PRCD: variants seen among roughly 807,000 people sequenced by gnomAD.
PRCD encodes photoreceptor disk component PRCD.
In PRCD, 12 loss-of-function variants were observed where a neutral mutation model predicts 10.1. The observed-to-expected ratio is 1.18, with a 90% CI of 0.76 to 1.92. The LOEUF is 1.92. PRCD is among the 40% of genes most tolerant of loss of function. PRCD has a pLI of 0.00. For synonymous variants in PRCD, 31 were observed against 26.2 expected (o/e 1.18, Z -0.56); for missense variants, 61 against 72.2 (o/e 0.84, Z 0.56).
chr17:76,551,705 A>G (rs926794783), intron 1 of PRCD: 6 of 152,228 alleles, frequency 3.9e-5, no homozygotes, highest in Admixed American at 2.0e-4. Context: ...TTTTCATGAC[A>G]GGTTTTCTAG....
rs200358726 is a variant in PRCD at position 76,531,454 on chromosome 17, G to A, written n.45+3621G>A. ...TGGGGGCTCTGCAGCAGATGGGGGC[G>A]CATACCTTGAAGTACACCGGTTCCA... On this transcript the variant is annotated intron_variant and non_coding_transcript_variant, in intron 1 of 4. Transcript: ENST00000397633. This position sits in a 1 kb window ranked among gnomAD's most constrained non-coding sequence, Gnocchi z 7.4. 1.4e-4 allele frequency: 228 copies of A among 1,600,658 alleles called. 3 individuals carry two copies. The East Asian group carries it at 5.0e-3, about 35-fold the overall frequency.
chr17:76,536,067 T>C (rs193150905), upstream of PRCD, among the ~76,000 whole-genome samples: 956 of 152,240 alleles, frequency 6.3e-3, 10 homozygotes, highest in African/African-American at 0.021. Flanking sequence ...CCTGTGGGGA[T>C]TGGTGGTTCC....
At chr17:76,545,452 A>C (rs2075045376), downstream of PRCD, 1 of 446,684 alleles carries the variant, frequency 2.2e-6, no homozygotes, top group Non-Finnish European at 4.5e-6. Flanking sequence ...AGGAGTGCTC[A>C]GGGGCTTGGG....
downstream of PRCD, among the ~76,000 whole-genome samples, chr17:76,547,892 CACAG>C (rs988989017): frequency 2.0e-5 from 3 of 147,764 alleles, no homozygotes; most frequent in East Asian, 3.9e-4. Flanking sequence ...TACACATACA[CACAG>C]ACACACATAA....
Position 76,540,381 on chromosome 17 carries a change from T to C in PRCD, c.75-124T>C. 2.3e-6 allele frequency: 3 copies of C among 1,317,426 alleles called. No homozygotes were observed. The highest frequency in any genetic ancestry group is 1.2e-5 in the South Asian group (1 of 83,728). 81.6% of individuals were successfully genotyped at this position (1,317,426 alleles called of 1,614,324 possible). A position where few individuals can be genotyped will look rare whatever the true frequency, so the allele number is the denominator to read the frequency against. ...AGCACAGTCTCAGAGCAGGGGGACT[T>C]AGAGCTTCAAAGGCTCTAGTTGCAG... On this transcript the variant is annotated intron_variant, in intron 1 of 4. Coordinates refer to ENST00000592014, the MANE Select transcript of PRCD (RefSeq NM_001077620.3). The surrounding 1 kb of genome is among the most constrained non-coding windows in gnomAD (Gnocchi z 5.0).
At position 76,531,182 on chromosome 17, in the gene PRCD, G is replaced by A. The variant is rs377581252; in HGVS notation, n.45+3349G>A. 5.0e-6 allele frequency: 8 copies of A among 1,590,454 alleles called. No individual in the cohort carries two copies. The highest frequency in any genetic ancestry group is 1.3e-5 in the African/African-American group (1 of 74,378). On this transcript the variant is annotated intron_variant and non_coding_transcript_variant, in intron 1 of 4. Coordinates refer to the PRCD transcript ENST00000397633. This position sits in a 1 kb window ranked among gnomAD's most constrained non-coding sequence, Gnocchi z 7.4. ...AGGAAGGGGGAGTGAACGCCCGGGC[G>A]CCCTGCGTCCTGCAACCCCCAGGCC...
rs1285262239 is a variant in PRCD, at chr17:76,544,435, C to T, written c.*785C>T. The stretch of plus-strand genomic sequence containing the variant: ...CGCTCAGGGTGGGGGAGGAGGTGCA[C>T]CCCGCTGGGGAGGGCCTGCTGGTAC... On this transcript the variant is annotated 3_prime_UTR_variant, in exon 5 of 5. Transcript: ENST00000592014. 6.6e-6 allele frequency: 3 copies of T among 454,902 alleles called. No individual in the cohort carries two copies. Among genetic ancestry groups the T allele is most frequent in the Non-Finnish European group, 1.3e-5 (3 of 226,964 alleles). 28.2% of individuals were successfully genotyped at this position (454,902 alleles called of 1,614,324 possible).
At chr17:76,545,747 G>A (rs2075047525), downstream of PRCD, 1 of 235,054 alleles carries the variant, frequency 4.3e-6, no homozygotes, top group Admixed American at 5.1e-5. Flanking sequence ...TGTGGAAGAT[G>A]CTTAGCATGT....
At position 76,530,302 on chromosome 17, in the gene PRCD, G is replaced by C. The variant is rs901004790; in HGVS notation, n.45+2469G>C. Among the ~76,000 whole-genome samples, 2 of 152,050 alleles carry C rather than the reference G, an allele frequency of 1.3e-5. No individual in the cohort carries two copies. The highest frequency in any genetic ancestry group is 4.1e-4 in the South Asian group (2 of 4,826). On this transcript the variant is annotated intron_variant and non_coding_transcript_variant, in intron 1 of 4. Transcript: ENST00000397633. This position sits in a 1 kb window ranked among gnomAD's most constrained non-coding sequence, Gnocchi z 6.1. ...GTGTTCCCAACCGCCACATCTGGGG[G>C]CTAGCCCTCCCCTCACGCTCCGAGT...
At chr17:76,547,727 TCACA>T (rs574997747), downstream of PRCD, among the ~76,000 whole-genome samples, 1 of 121,532 alleles carries the variant, frequency 8.2e-6, no homozygotes, top group African/African-American at 3.2e-5. Flanking sequence ...ACACATACAT[TCACA>T]CACACACATA....
chr17:76,545,388 T>A (rs1177573519), downstream of PRCD: 1 of 456,596 alleles, frequency 2.2e-6, no homozygotes, highest in East Asian at 6.9e-5. Context: ...CCACTGAGGC[T>A]GAGTCCTTTT....
At position 76,531,942 on chromosome 17, in the gene PRCD, T is replaced by G; in HGVS notation, n.45+4109T>G. 2.4e-6 allele frequency: 1 copy of G among 411,824 alleles called. No homozygotes were observed. The highest frequency in any genetic ancestry group is 2.0e-5 in the African/African-American group (1 of 50,936). 25.5% of individuals were successfully genotyped at this position (411,824 alleles called of 1,614,324 possible). Reference sequence around the variant, plus strand: ...GGCTGGCGGCTTCATCTCCTAGGCCTCTGTCTTCCTCGCTTCTTGCTTCCT... The same window carrying G: ...GGCTGGCGGCTTCATCTCCTAGGCCGCTGTCTTCCTCGCTTCTTGCTTCCT... On this transcript the variant is annotated intron_variant and non_coding_transcript_variant, in intron 1 of 4. Coordinates refer to the PRCD transcript ENST00000397633. The surrounding 1 kb of genome is among the most constrained non-coding windows in gnomAD (Gnocchi z 7.4).
downstream of PRCD, chr17:76,545,431 G>A (rs2075045173): frequency 8.8e-6 from 4 of 455,086 alleles, no homozygotes; most frequent in Admixed American, 9.4e-5. Context: ...CCGCTGCTTG[G>A]GAATGGGAGC....
chr17:76,536,337 G>A (rs574534310), upstream of PRCD, among the ~76,000 whole-genome samples: 1 of 152,314 alleles, frequency 6.6e-6, no homozygotes, highest in Admixed American at 6.5e-5. Flanking sequence ...AGGCCTGGTA[G>A]TCAAGGATGC....
At position 76,531,924 on chromosome 17, in the gene PRCD, G is replaced by A. The variant is rs919489361; in HGVS notation, n.45+4091G>A. 8.4e-6 allele frequency: 4 copies of A among 474,418 alleles called. No individual in the cohort carries two copies. Among genetic ancestry groups the A allele is most frequent in the East Asian group, 3.4e-5 (1 of 29,768 alleles). The allele number at this position is 474,418 out of a possible 1,614,324, so 29.4% of individuals were successfully genotyped here. Reference sequence around the variant, plus strand: ...ATCTGCCAGGCTTGCTCAGGCTGGCGGCTTCATCTCCTAGGCCTCTGTCTT... The same window carrying A: ...ATCTGCCAGGCTTGCTCAGGCTGGCAGCTTCATCTCCTAGGCCTCTGTCTT... On this transcript the variant is annotated intron_variant and non_coding_transcript_variant, in intron 1 of 4. Coordinates refer to the PRCD transcript ENST00000397633. This position sits in a 1 kb window ranked among gnomAD's most constrained non-coding sequence, Gnocchi z 7.4.
At chr17:76,529,596 C>T in intron 1 of PRCD, 2 of 985,400 alleles carry the variant, frequency 2.0e-6, no homozygotes, top group Non-Finnish European at 2.4e-6. Flanking sequence ...GTCTTGTGTC[C>T]TGGCTGTAAA....
Position 76,543,813 on chromosome 17 carries a change from T to C in PRCD, c.*163T>C, listed in dbSNP as rs1302733532. 1 of 470,934 alleles carries C rather than the reference T, an allele frequency of 2.1e-6. No homozygotes were observed. Among genetic ancestry groups the C allele is most frequent in the Non-Finnish European group, 4.4e-6 (1 of 227,062 alleles). 29.2% of individuals were successfully genotyped at this position (470,934 alleles called of 1,614,324 possible). ...TTTGCCTTTCCCCAGTTCCCAGAGC[T>C]CATCCTGTCACTGGCTGCTCTGCTG... On this transcript the variant is annotated 3_prime_UTR_variant, in exon 5 of 5. Coordinates refer to ENST00000592014, the MANE Select transcript of PRCD (RefSeq NM_001077620.3).
chr17:76,542,651 G>A lies in PRCD; in HGVS notation c.*59+18G>A, dbSNP rs1296826073. The A allele has an allele frequency of 2.6e-6, 4 of 1,534,072 alleles. No individual in the cohort carries two copies. The highest frequency in any genetic ancestry group is 2.7e-5 in the African/African-American group (2 of 73,300). On this transcript the variant is annotated intron_variant, in intron 3 of 4. Transcript: ENST00000592014. ...TCAGGCAGGTAGGGCAGGGCTGGGA[G>A]CCGGGGAGGGCAGAGGGCAAGGCTT...
chr17:76,547,413 T>C, downstream of PRCD: 1 of 152,440 alleles, frequency 6.6e-6, no homozygotes, highest in Non-Finnish European at 1.5e-5. Context: ...AGGGGGAGGG[T>C]GCAGGCCATG....
Sources: allele counts gnomAD v4.1 joint callset (sites outside exome capture counted in the v4.1 genomes callset), GRCh38; gene constraint gnomAD v4.1.1; non-coding constraint Gnocchi (gnomAD v3.1); transcripts MANE v1.5; gene names NCBI Gene and HGNC (gene_info 2026-07-23, HGNC 2026-07-21).